NIPA2: variants seen among roughly 807,000 people sequenced by gnomAD.
NIPA2 encodes magnesium transporter NIPA2.
Under a neutral mutation model 29.7 loss-of-function variants are expected in NIPA2, and 11 were observed. The ratio of observed to expected loss-of-function variants is 0.37; its 90% CI spans 0.23 to 0.61. NIPA2 has a LOEUF of 0.61. Ranked by LOEUF, NIPA2 falls within the 20% of genes least tolerant of loss-of-function variation. NIPA2 has a pLI of 0.66. For missense variants in NIPA2, 426 were observed against 437.9 expected (o/e 0.97, Z 0.24); for synonymous variants, 183 against 161.9 (o/e 1.13, Z -0.99).
At chr15:22,864,550 G>T (rs375766065) in intron 7 of NIPA2, among the ~76,000 whole-genome samples, 6 of 152,146 alleles carry the variant, frequency 3.9e-5, no homozygotes, top group East Asian at 3.9e-4. Context: ...GGAATTGACT[G>T]GGGGGAAGGA....
chr15:22,858,715 C>T (rs2058391279), intron 6 of NIPA2, 85 bp downstream of exon 6: 5 of 793,536 alleles, frequency 6.3e-6, no homozygotes, highest in Non-Finnish European at 9.4e-6. Context: ...ATATGTTCAA[C>T]ACAATTTACA....
rs1283463214 is a variant in NIPA2, at chr15:22,845,159, T to C, written c.-202T>C. ...TCTCTGTTGCAGGCTCTCCCGGCTG[T>C]GATAGACCTTCAGTTACAGAGAGAG... On this transcript the variant is annotated 5_prime_UTR_variant, in exon 3 of 8. The change abolishes the stop of an existing upstream ORF in the 5' untranslated region. Coordinates refer to ENST00000337451, the MANE Select transcript of NIPA2 (RefSeq NM_030922.7). The C allele has an allele frequency of 2.6e-5, 4 of 152,206 alleles. No homozygotes were observed. The East Asian group carries it at 7.7e-4, about 29-fold the overall frequency. 9.4% of individuals were successfully genotyped at this position (152,206 alleles called of 1,614,324 possible). A position where few individuals can be genotyped will look rare whatever the true frequency, so the allele number is the denominator to read the frequency against.
chr15:22,865,024 G>A (rs1318248025), intron 7 of NIPA2, among the ~76,000 whole-genome samples: 1 of 151,930 alleles, frequency 6.6e-6, no homozygotes, highest in Non-Finnish European at 1.5e-5. Flanking sequence ...ACCACGCCTG[G>A]CTAATTTTTG....
intron 6 of NIPA2, among the ~76,000 whole-genome samples, chr15:22,859,106 G>T (rs58978808): frequency 1.3e-5 from 2 of 151,864 alleles, no homozygotes; most frequent in Non-Finnish European, 2.9e-5. Flanking sequence ...CGCAGGAAGA[G>T]GAGGTTGCAA....
chr15:22,866,929 C>A lies in NIPA2; in HGVS notation c.*82C>A. ...CAGAATGTGTCTGAAAAAACATTGT[C>A]CTCAAATAATGTTCTTTAAAGGCAA... On this transcript the variant is annotated 3_prime_UTR_variant, in exon 8 of 8. Transcript: ENST00000337451. 2.3e-6 allele frequency: 3 copies of A among 1,295,070 alleles called. No individual in the cohort carries two copies. The highest frequency in any genetic ancestry group is 3.2e-6 in the Non-Finnish European group (3 of 947,676). 80.2% of individuals were successfully genotyped at this position (1,295,070 alleles called of 1,614,324 possible).
intron 3 of NIPA2, among the ~76,000 whole-genome samples, chr15:22,846,840 A>AATAATAATAATT (rs1555380236): frequency 1.0e-4 from 14 of 134,978 alleles, no homozygotes; most frequent in African/African-American, 3.3e-4. Flanking sequence ...TAATAATAAT[A>AATAATAATAATT]ATTATTATTA....
intron 7 of NIPA2, among the ~76,000 whole-genome samples, chr15:22,863,311 T>G (rs1242356566): frequency 6.6e-6 from 1 of 152,042 alleles, no homozygotes; most frequent in Non-Finnish European, 1.5e-5. Flanking sequence ...CTCAACCTAC[T>G]GGGCTCAAGT....
intron 4 of NIPA2, among the ~76,000 whole-genome samples, chr15:22,852,242 G>A (rs1190347182): frequency 6.6e-6 from 1 of 152,112 alleles, no homozygotes; most frequent in African/African-American, 2.4e-5. Flanking sequence ...TGAGGCGGGT[G>A]GATCACCTGA....
chr15:22,861,339 G>T (rs919458607), intron 7 of NIPA2, among the ~76,000 whole-genome samples: 2 of 152,224 alleles, frequency 1.3e-5, no homozygotes, highest in South Asian at 2.1e-4. Flanking sequence ...ATCTAGGCGG[G>T]TGTCTCCAGG....
In NIPA2 at chr15:22,841,013, TGGGGTG is replaced by T. The variant is rs746082207; in HGVS notation, c.-216+1232_-216+1237del. Among the ~76,000 whole-genome samples the T allele has an allele frequency of 4.2e-4, 6 of 14,200 alleles. No homozygotes were observed. In the South Asian group the frequency reaches 0.014, roughly 32 times the overall value. The allele number at this position is 14,200 out of a possible 152,430, so 9.3% of individuals were successfully genotyped here. A position where few individuals can be genotyped will look rare whatever the true frequency, so the allele number is the denominator to read the frequency against. On this transcript the variant is annotated intron_variant, in intron 2 of 7. Coordinates refer to ENST00000337451, the MANE Select transcript of NIPA2 (RefSeq NM_030922.7). ...TAAGACTTCTGCAGAGAATAAAAGG[TGGGGTG>T]GGGGTGGGAGAGGAAATGGGAGATT... is the stretch of plus-strand genomic sequence containing the variant.
In NIPA2 at chr15:22,853,332, A is replaced by G. The variant is rs557808838; in HGVS notation, c.196+64A>G. The G allele has an allele frequency of 2.6e-5, 25 of 948,542 alleles. No homozygotes were observed. In the East Asian group the frequency reaches 6.0e-4, roughly 23 times the overall value. The allele number at this position is 948,542 out of a possible 1,614,324, so 58.8% of individuals were successfully genotyped here. On this transcript the variant is annotated intron_variant, in intron 5 of 7. Coordinates refer to ENST00000337451, the MANE Select transcript of NIPA2 (RefSeq NM_030922.7). ...ATATATTAAAATATTTGCATATGGT[A>G]TTATAGCCTCATTACTAGCAAGTTT...
At position 22,846,843 on chromosome 15, in the gene NIPA2, T is replaced by TA. The variant is rs200764393; in HGVS notation, c.-94+1577dup. Among the ~76,000 whole-genome samples the TA allele has an allele frequency of 0.029, 2,794 of 95,312 alleles. 101 individuals are homozygous for TA. In the East Asian group the frequency reaches 0.3, roughly 10 times the overall value. 62.5% of individuals were successfully genotyped at this position (95,312 alleles called of 152,430 possible). ...AAATAATAATAATAATAATAATAAT[T>TA]ATTATTATTATTATTTAAATTTGGA... On this transcript the variant is annotated intron_variant, in intron 3 of 7. Coordinates refer to ENST00000337451, the MANE Select transcript of NIPA2 (RefSeq NM_030922.7).
At chr15:22,851,576 T>A (rs2057745540) in intron 3 of NIPA2, 63 bp from the exon 4 acceptor site, 1 of 443,096 alleles carries the variant, frequency 2.3e-6, no homozygotes, top group South Asian at 7.6e-5. Flanking sequence ...AGTAAAATTT[T>A]GAATTGCATG....
chr15:22,859,290 C>CT lies in NIPA2; in HGVS notation c.287+680dup, dbSNP rs60644942. 2.5e-3 allele frequency among the ~76,000 whole-genome samples: 242 copies of CT among 97,296 alleles called. 3 individuals are homozygous for CT. The highest frequency in any genetic ancestry group is 4.5e-3 in the South Asian group (12 of 2,692). 63.8% of individuals were successfully genotyped at this position (97,296 alleles called of 152,430 possible). A position where few individuals can be genotyped will look rare whatever the true frequency, so the allele number is the denominator to read the frequency against. On this transcript the variant is annotated intron_variant, in intron 6 of 7. Coordinates refer to ENST00000337451, the MANE Select transcript of NIPA2 (RefSeq NM_030922.7). ...GTTGGTAATGAGTAGATTTCTTTTT[C>CT]TTTTTTTTTTTTTTTTTTTTGAGGC... is the stretch of plus-strand genomic sequence containing the variant.
rs761689307 is a variant in NIPA2 at position 22,866,731 on chromosome 15, A to C, written c.967A>C (p.Asn323His). The C allele has an allele frequency of 1.9e-6, 3 of 1,613,922 alleles. No individual in the cohort carries two copies. The African/African-American group carries it at 4.0e-5, about 22-fold the overall frequency. The change falls in exon 8 of 8, where the codon AAT becomes CAT. Residue 323 changes from asparagine (N) to histidine (H), a missense_variant. Transcript: ENST00000337451. ...FRKDEKAMNG[N>H]LSNMYEVLNN... The stretch of plus-strand genomic sequence containing the variant: ...AAAAGACGAGAAAGCAATGAATGGC[A>C]ATCTCTCTAATATGTATGAAGTTCT...
At chr15:22,861,144 C>T (rs66916839) in intron 7 of NIPA2, among the ~76,000 whole-genome samples, 31,407 of 152,016 alleles carry the variant, frequency 0.21, 3,489 homozygotes, top group Admixed American at 0.31. Flanking sequence ...GTTGTTCCTT[C>T]CCTGTATAAT....
At chr15:22,863,114 C>T (rs1479340232) in intron 7 of NIPA2, among the ~76,000 whole-genome samples, 3 of 150,196 alleles carry the variant, frequency 2.0e-5, no homozygotes, top group South Asian at 2.1e-4. Flanking sequence ...GGAGTCTCGC[C>T]GTCACCCAGG....
intron 6 of NIPA2, among the ~76,000 whole-genome samples, chr15:22,859,359 C>G (rs1301154280): frequency 2.9e-5 from 4 of 136,886 alleles, no homozygotes; most frequent in Non-Finnish European, 6.1e-5. Context: ...GTGGCACGAT[C>G]TCGGCTCCCT....
intron 5 of NIPA2, among the ~76,000 whole-genome samples, chr15:22,856,450 G>A (rs1477977879): frequency 1.3e-5 from 2 of 151,518 alleles, no homozygotes; most frequent in South Asian, 2.1e-4. Flanking sequence ...ATAGTAGAGA[G>A]TATCCTGGAT....
Sources: gnomAD v4.1 joint callset for allele counts (sites outside exome capture counted in the v4.1 genomes callset) on GRCh38, gnomAD v4.1.1 for gene constraint, MANE v1.5 for transcripts, NCBI Gene and HGNC (gene_info 2026-07-23, HGNC 2026-07-21) for gene names.